The following OGFOD3 variants were observed in gnomAD, a reference collection of about 807,000 sequenced individuals.
OGFOD3 encodes 2-oxoglutarate and iron-dependent oxygenase domain-containing protein 3.
In OGFOD3, 35 loss-of-function variants were observed where a neutral mutation model predicts 39.8. The observed-to-expected ratio is 0.88, with a 90% CI of 0.67 to 1.17. The LOEUF (loss-of-function observed/expected upper bound fraction) is 1.17, where lower values mean the gene tolerates loss of function less well. Among genes scored for constraint, OGFOD3 ranks in the 50% most tolerant of loss-of-function variants. The pLI is 0.00. For missense variants in OGFOD3, 438 were observed against 454.5 expected (o/e 0.96, Z 0.33); for synonymous variants, 200 against 192.0 (o/e 1.04, Z -0.34).
chr17:82,409,449 T>C, intron 3 of OGFOD3, 39 bp from the exon 4 acceptor site: 2 of 1,597,730 alleles, frequency 1.3e-6, no homozygotes, highest in Middle Eastern at 1.7e-4. Context: ...GTTGCTAGAA[T>C]TGTCTATAAT....
At chr17:82,408,021 T>C (rs1360191363) in intron 4 of OGFOD3, among the ~76,000 whole-genome samples, 1 of 152,124 alleles carries the variant, frequency 6.6e-6, no homozygotes, top group African/African-American at 2.4e-5. Flanking sequence ...CACATGCCTG[T>C]AGTCCCAGCT....
chr17:82,393,569 A>G (rs1268213438), intron 8 of OGFOD3: 1 of 152,256 alleles, frequency 6.6e-6, no homozygotes, highest in Non-Finnish European at 1.5e-5. Context: ...CCACCTCCAG[A>G]TATGCAGGAC....
chr17:82,402,397 T>C (rs1167315318), intron 7 of OGFOD3, among the ~76,000 whole-genome samples: 1 of 148,026 alleles, frequency 6.8e-6, no homozygotes, highest in Non-Finnish European at 1.5e-5. Flanking sequence ...ATCACACAAC[T>C]GCACTCCAAC....
chr17:82,418,296 C>CCCCCCCCCA (rs1555614468), intron 1 of OGFOD3, 116 bp downstream of exon 1: 8 of 52,750 alleles, frequency 1.5e-4, no homozygotes, highest in African/African-American at 1.2e-3. Context: ...GCCCACCTGC[C>CCCCCCCCCA]CCCCCCCACC....
At position 82,411,766 on chromosome 17, in the gene OGFOD3, G is replaced by C. The variant is rs570387494; in HGVS notation, c.305-236C>G. 50 of 534,698 alleles carry C rather than the reference G, an allele frequency of 9.4e-5. 3 individuals carry two copies. The South Asian group carries it at 1.1e-3, about 12-fold the overall frequency. The allele number at this position is 534,698 out of a possible 1,614,324, so 33.1% of individuals were successfully genotyped here. ...GAAATTTAATCCAGAGGCACCTGTT[G>C]CTGCCCCAAACCCTGGGAAAGTCAC... On this transcript the variant is annotated intron_variant, in intron 2 of 8. Coordinates refer to ENST00000313056, the MANE Select transcript of OGFOD3 (RefSeq NM_024648.3).
chr17:82,397,398 C>G (rs1169697482), intron 8 of OGFOD3, among the ~76,000 whole-genome samples: 1 of 2,126 alleles, frequency 4.7e-4, no homozygotes, highest in African/African-American at 1.5e-3. Context: ...ACGGGTGAGG[C>G]AGCGGGGGGG....
At chr17:82,398,886 C>CTTTTTT (rs112854665) in intron 7 of OGFOD3, among the ~76,000 whole-genome samples, 1 of 142,888 alleles carries the variant, frequency 7.0e-6, no homozygotes, top group Admixed American at 7.2e-5. Flanking sequence ...TTTTTCTTTT[C>CTTTTTT]TATTTTTTTT....
chr17:82,394,348 G>A, intron 8 of OGFOD3: 1 of 1,558,068 alleles, frequency 6.4e-7, no homozygotes, highest in Non-Finnish European at 8.7e-7. Flanking sequence ...CTTAAAGCAG[G>A]ACTCAGCACG....
At position 82,418,530 on chromosome 17, in the gene OGFOD3, C is replaced by T. The variant is rs1467614052; in HGVS notation, c.-45G>A. 3 of 1,180,826 alleles carry T rather than the reference C, an allele frequency of 2.5e-6. No individual in the cohort carries two copies. Among genetic ancestry groups the T allele is most frequent in the Admixed American group, 4.3e-5 (1 of 23,352 alleles). The allele number at this position is 1,180,826 out of a possible 1,614,324, so 73.1% of individuals were successfully genotyped here. A position where few individuals can be genotyped will look rare whatever the true frequency, so the allele number is the denominator to read the frequency against. ...GCCGGGCCGGACGCGGGCGCCAGGC[C>T]CGGGGACGAACGCCGTAACAGGGAG... On this transcript the variant is annotated 5_prime_UTR_variant, in exon 1 of 9. Transcript: ENST00000313056.
At position 82,392,726 on chromosome 17, in the gene OGFOD3, A is replaced by G; in HGVS notation, c.824-192T>C. On this transcript the variant is annotated intron_variant, in intron 8 of 8. Transcript: ENST00000313056. The surrounding 1 kb of genome is among the most constrained non-coding windows in gnomAD (Gnocchi z 4.2). ...TGGAGAAACAAACGCAGCAATGCTCAGGGGCCCTGTGGCGGAGGAGGGGCC... is the reference window on the plus strand; with the variant it reads ...TGGAGAAACAAACGCAGCAATGCTCGGGGGCCCTGTGGCGGAGGAGGGGCC... 1.4e-6 allele frequency: 1 copy of G among 700,576 alleles called. No homozygotes were observed. Among genetic ancestry groups the G allele is most frequent in the Non-Finnish European group, 2.3e-6 (1 of 435,074 alleles). 43.4% of individuals were successfully genotyped at this position (700,576 alleles called of 1,614,324 possible). A position where few individuals can be genotyped will look rare whatever the true frequency, so the allele number is the denominator to read the frequency against.
At chr17:82,408,675 C>T (rs2052894674) in intron 4 of OGFOD3, among the ~76,000 whole-genome samples, 1 of 152,178 alleles carries the variant, frequency 6.6e-6, no homozygotes, top group Admixed American at 6.5e-5. Context: ...CTGCCTCCAT[C>T]ATCACAGGAC....
At chr17:82,413,878 CAAA>C (rs35623032) in intron 2 of OGFOD3, among the ~76,000 whole-genome samples, 1 of 109,810 alleles carries the variant, frequency 9.1e-6, no homozygotes. Flanking sequence ...ACACTCTGTC[CAAA>C]AAAAAAAAAA....
At chr17:82,411,333 C>A (rs1019648688) in intron 3 of OGFOD3, 122 bp downstream of exon 3, 2 of 848,072 alleles carry the variant, frequency 2.4e-6, no homozygotes, top group Admixed American at 2.2e-5. Context: ...AGGCGTGAGC[C>A]ACCACGCCTG....
In OGFOD3 at chr17:82,390,177, C is replaced by T. The variant is rs2052583693; in HGVS notation, c.*2221G>A. ...ACTTTAACCCATAACAAACCCAACA[C>T]CCACTTTCTTCAAATGCATTTATCC... On this transcript the variant is annotated 3_prime_UTR_variant, in exon 9 of 9. Transcript: ENST00000313056. This position sits in a 1 kb window ranked among gnomAD's most constrained non-coding sequence, Gnocchi z 4.9. 6.6e-6 allele frequency: 1 copy of T among 152,246 alleles called. No homozygotes were observed. The highest frequency in any genetic ancestry group is 1.5e-5 in the Non-Finnish European group (1 of 68,050). The allele number at this position is 152,246 out of a possible 1,614,324, so 9.4% of individuals were successfully genotyped here.
In OGFOD3 at chr17:82,398,263, C is replaced by G. The variant is rs1353311308; in HGVS notation, c.756G>C (p.Glu252Asp). 6.2e-7 allele frequency: 1 copy of G among 1,614,086 alleles called. No individual in the cohort carries two copies. Among genetic ancestry groups the G allele is most frequent in the African/African-American group, 1.3e-5 (1 of 74,936 alleles). ...TSLLYLSNYL[E>D]DFGGGRFMFM... ...ACATGAACCGCCCTCCGCCGAAGTCCTCCAGGTAGTTGGAGAGGTACAGCA... is the reference window on the plus strand; with the variant it reads ...ACATGAACCGCCCTCCGCCGAAGTCGTCCAGGTAGTTGGAGAGGTACAGCA... The change falls in exon 8 of 9, where the codon GAG becomes GAC. Residue 252 changes from glutamate (E) to aspartate (D), a missense_variant. Physicochemically the swap from Glu to Asp is conservative, Grantham distance 45. Transcript: ENST00000313056.
chr17:82,398,997 G>T (rs1156444646), intron 7 of OGFOD3, among the ~76,000 whole-genome samples: 25 of 64,882 alleles, frequency 3.9e-4, no homozygotes, highest in Non-Finnish European at 6.4e-5. Flanking sequence ...TTTTGTAGAG[G>T]TTGGGGCGGG....
At chr17:82,400,211 CT>C (rs2052740114) in intron 7 of OGFOD3, among the ~76,000 whole-genome samples, 2 of 152,158 alleles carry the variant, frequency 1.3e-5, no homozygotes, top group East Asian at 1.9e-4. Flanking sequence ...TCCCTCCCCC[CT>C]GCCCCTCCCA....
rs8079767 is a variant in OGFOD3 at position 82,404,896 on chromosome 17, G to A, written c.545+428C>T. 0.55 allele frequency among the ~76,000 whole-genome samples: 83,824 copies of A among 151,500 alleles called. 23,391 individuals carry two copies. Among genetic ancestry groups the A allele is most frequent in the South Asian group, 0.69 (3,325 of 4,796 alleles). ...GCTGGGATTACAGGCACCCGCCACCGCACCCAACTAATTTTTGTACTTTTA... is the reference window on the plus strand; with the variant it reads ...GCTGGGATTACAGGCACCCGCCACCACACCCAACTAATTTTTGTACTTTTA... On this transcript the variant is annotated intron_variant, in intron 6 of 8. Coordinates refer to ENST00000313056, the MANE Select transcript of OGFOD3 (RefSeq NM_024648.3). The surrounding 1 kb of genome is among the most constrained non-coding windows in gnomAD (Gnocchi z 4.5).
chr17:82,403,410 T>C (rs569996077), intron 7 of OGFOD3, among the ~76,000 whole-genome samples: 22 of 152,250 alleles, frequency 1.4e-4, no homozygotes, highest in Admixed American at 1.3e-4. Flanking sequence ...GGAAGGAGGA[T>C]TGCCTGAGCT....
Sources: gnomAD v4.1 joint callset for allele counts (sites outside exome capture counted in the v4.1 genomes callset) on GRCh38, gnomAD v4.1.1 for gene constraint, Gnocchi (gnomAD v3.1) non-coding constraint, MANE v1.5 for transcripts, NCBI Gene and HGNC (gene_info 2026-07-23, HGNC 2026-07-21) for gene names.